The following ZNF273 variants were observed in gnomAD, a reference collection of about 807,000 sequenced individuals.
The protein encoded by ZNF273 is zinc finger protein 273.
ZNF273 carries 11 observed loss-of-function variants against 14.9 expected under a neutral mutation model. That is an observed-to-expected ratio of 0.74 (90% CI 0.46 to 1.22). ZNF273 has a LOEUF of 1.22. Among genes scored for constraint, ZNF273 ranks in the 50% most tolerant of loss-of-function variants. ZNF273 has a pLI of 0.00. For missense variants in ZNF273, 577 were observed against 660.6 expected (o/e 0.87, Z 1.39); for synonymous variants, 199 against 223.9 (o/e 0.89, Z 0.99).
At chr7:64,903,498 C>T (rs1792878683) in intron 1 of ZNF273, 79 bp downstream of exon 1, 2 of 1,381,954 alleles carry the variant, frequency 1.4e-6, no homozygotes, top group African/African-American at 1.4e-5. Context: ...TGGCGAGACT[C>T]CGGCCTCCCT....
chr7:64,910,923 G>A (rs749105437), intron 1 of ZNF273, among the ~76,000 whole-genome samples: 4 of 151,828 alleles, frequency 2.6e-5, no homozygotes, highest in Admixed American at 6.6e-5. Flanking sequence ...GCACCACCAT[G>A]CCTGGCTAAT....
chr7:64,934,594 C>A (rs974990527), downstream of ZNF273, among the ~76,000 whole-genome samples: 1 of 152,084 alleles, frequency 6.6e-6, no homozygotes, highest in African/African-American at 2.4e-5. Flanking sequence ...AAAGTGTTAC[C>A]TATATTTAAA....
chr7:64,886,730 C>T lies in ZNF273; in HGVS notation n.274-1843C>T, dbSNP rs150314676. On this transcript the variant is annotated intron_variant and non_coding_transcript_variant, in intron 1 of 1. Transcript: ENST00000471926. ...AAGCCAGGTACAGTGGAGTTCTCAA[C>T]GCGAAAGGAACTCACACCTGGGCAC... 7.0e-4 allele frequency among the ~76,000 whole-genome samples: 106 copies of T among 152,304 alleles called. 2 individuals are homozygous for T. Among genetic ancestry groups the T allele is most frequent in the African/African-American group, 3.1e-4 (13 of 41,574 alleles).
chr7:64,879,943 A>G (rs1232185480), downstream of ZNF273: 1 of 152,268 alleles, frequency 6.6e-6, no homozygotes, highest in African/African-American at 2.4e-5. Context: ...GAGACCAGGC[A>G]GGCTCTGCCT....
At chr7:64,880,504 C>CTG (rs371979319), downstream of ZNF273, among the ~76,000 whole-genome samples, 17 of 151,176 alleles carry the variant, frequency 1.1e-4, no homozygotes, top group Non-Finnish European at 1.3e-4. Context: ...GTGATGGCGG[C>CTG]TGTGTGTGTG....
intron 3 of ZNF273, among the ~76,000 whole-genome samples, chr7:64,895,810 C>T (rs1792331656): frequency 6.6e-6 from 1 of 152,126 alleles, no homozygotes; most frequent in South Asian, 2.1e-4. Context: ...ACTGAGAAAA[C>T]AGAGTCTGCT....
rs1046762117 is a variant in ZNF273 at position 64,921,636 on chromosome 7, T to G, written c.325+3344T>G. On this transcript the variant is annotated intron_variant, in intron 3 of 3. Transcript: ENST00000476120. ...TTTTTTTTTTTTTTTTTTTTTTTTTTTGTGTGTGAGACAGAGTCTTGCTCT... is the reference window on the plus strand; with the variant it reads ...TTTTTTTTTTTTTTTTTTTTTTTTTGTGTGTGTGAGACAGAGTCTTGCTCT... 5.5e-3 allele frequency among the ~76,000 whole-genome samples: 188 copies of G among 33,890 alleles called. 1 individual carries two copies. Among genetic ancestry groups the G allele is most frequent in the South Asian group, 7.7e-3 (8 of 1,036 alleles). 22.2% of individuals were successfully genotyped at this position (33,890 alleles called of 152,430 possible).
chr7:64,914,749 G>A (rs925344962), intron 1 of ZNF273, among the ~76,000 whole-genome samples: 2 of 152,078 alleles, frequency 1.3e-5, no homozygotes, highest in Admixed American at 1.3e-4. Context: ...AAACGGGCGG[G>A]CTTTATCTGT....
chr7:64,907,220 G>A (rs538765273), intron 1 of ZNF273, among the ~76,000 whole-genome samples: 1 of 152,318 alleles, frequency 6.6e-6, no homozygotes, highest in East Asian at 1.9e-4. Flanking sequence ...GTTTGGTTAT[G>A]TGATAGGTAA....
chr7:64,878,972 G>A (rs373384575), intron 2 of ZNF273, among the ~76,000 whole-genome samples: 9 of 152,160 alleles, frequency 5.9e-5, no homozygotes, highest in South Asian at 2.1e-4. Context: ...CTGTTGGAAC[G>A]GTGGATTCCA....
rs116742600 is a variant in ZNF273 at position 64,906,299 on chromosome 7, A to G, written c.102+2880A>G. On this transcript the variant is annotated intron_variant, in intron 1 of 3. Transcript: ENST00000476120. ...GTTTAATGCTGAATTATATGGTAAA[A>G]CTTGGTACCTCCCAGAAGCGTTCCC... 6.7e-3 allele frequency among the ~76,000 whole-genome samples: 1,017 copies of G among 152,270 alleles called. 19 individuals are homozygous for G. The highest frequency in any genetic ancestry group is 0.022 in the African/African-American group (922 of 41,546).
intron 1 of ZNF273, among the ~76,000 whole-genome samples, chr7:64,907,410 G>A (rs575798131): frequency 3.9e-5 from 6 of 152,192 alleles, no homozygotes; most frequent in East Asian, 1.9e-4. Flanking sequence ...GTTTTCCTGC[G>A]TTGTGTCTTT....
chr7:64,936,483 C>T, the ZNF273 span, among the ~76,000 whole-genome samples: 1 of 152,148 alleles, frequency 6.6e-6, no homozygotes, highest in Admixed American at 6.5e-5. Flanking sequence ...AGAGGGATTA[C>T]TGGGAACATG....
downstream of ZNF273, among the ~76,000 whole-genome samples, chr7:64,890,525 A>G (rs754857701): frequency 6.6e-6 from 1 of 152,178 alleles, no homozygotes; most frequent in Non-Finnish European, 1.5e-5. Context: ...ACAGGGACAT[A>G]GAAGATCAGA....
upstream of ZNF273, among the ~76,000 whole-genome samples, chr7:64,898,639 T>G (rs1367878978): frequency 6.6e-6 from 1 of 152,216 alleles, no homozygotes; most frequent in Admixed American, 6.5e-5. Flanking sequence ...ACATCAAATT[T>G]TATTATAATA....
downstream of ZNF273, among the ~76,000 whole-genome samples, chr7:64,890,686 C>T (rs1441713598): frequency 6.6e-6 from 1 of 152,230 alleles, no homozygotes; most frequent in Non-Finnish European, 1.5e-5. Context: ...GTCCTCTGAG[C>T]ATGGACTCCC....
chr7:64,905,420 CTTTTT>C (rs34374261), intron 1 of ZNF273, among the ~76,000 whole-genome samples: 1 of 84,190 alleles, frequency 1.2e-5, no homozygotes. Flanking sequence ...GCTGGCCACA[CTTTTT>C]TTTTTTTTTT....
chr7:64,892,366 C>A (rs1343505866), downstream of ZNF273, among the ~76,000 whole-genome samples: 1 of 151,926 alleles, frequency 6.6e-6, no homozygotes, highest in Non-Finnish European at 1.5e-5. Flanking sequence ...GTGCTTGGCT[C>A]ATAGTTAGTG....
Position 64,930,518 on chromosome 7 carries a change from G to A in ZNF273, c.*1480G>A, listed in dbSNP as rs1402846728. The A allele has an allele frequency of 1.3e-5, 2 of 152,058 alleles. No homozygotes were observed. Among genetic ancestry groups the A allele is most frequent in the African/African-American group, 4.8e-5 (2 of 41,430 alleles). The allele number at this position is 152,058 out of a possible 1,614,324, so 9.4% of individuals were successfully genotyped here. ...TGTATGAACTTAGATTTTTAAACATGTTTTAACATGTTAAGACTTGTGCAT... is the reference window on the plus strand; with the variant it reads ...TGTATGAACTTAGATTTTTAAACATATTTTAACATGTTAAGACTTGTGCAT... On this transcript the variant is annotated 3_prime_UTR_variant, in exon 4 of 4. Transcript: ENST00000476120.
Sources: gnomAD v4.1 joint callset for allele counts (sites outside exome capture counted in the v4.1 genomes callset) on GRCh38, gnomAD v4.1.1 for gene constraint, MANE v1.5 for transcripts, NCBI Gene and HGNC (gene_info 2026-07-23, HGNC 2026-07-21) for gene names.